The following CAMK1D variants were observed in gnomAD, a reference collection of about 807,000 sequenced individuals.
CAMK1D encodes the protein calcium/calmodulin dependent protein kinase ID.
CAMK1D carries 9 observed loss-of-function variants against 47.7 expected under a neutral mutation model. The ratio of observed to expected loss-of-function variants is 0.19; its 90% CI spans 0.11 to 0.33. The LOEUF (loss-of-function observed/expected upper bound fraction) is 0.33. Ranked by LOEUF, CAMK1D falls within the 10% of genes least tolerant of loss-of-function variation. CAMK1D has a pLI of 1.00. For missense variants in CAMK1D, 291 were observed against 488.7 expected (o/e 0.60, Z 3.81); for synonymous variants, 184 against 184.9 (o/e 0.99, Z 0.04).
intron 2 of CAMK1D, among the ~76,000 whole-genome samples, chr10:12,578,050 G>A (rs938391116): frequency 7.2e-5 from 11 of 152,178 alleles, no homozygotes; most frequent in African/African-American, 2.4e-4. Flanking sequence ...ACTCTGCACG[G>A]AAGGTATTGT....
intron 1 of CAMK1D, among the ~76,000 whole-genome samples, chr10:12,439,897 C>A (rs575492134): frequency 1.3e-5 from 2 of 152,130 alleles, no homozygotes; most frequent in African/African-American, 2.4e-5. Context: ...TCTTACATGG[C>A]GGCAGGCAAG....
intron 3 of CAMK1D, among the ~76,000 whole-genome samples, chr10:12,750,749 T>G (rs1285713175): frequency 6.6e-6 from 1 of 151,672 alleles, no homozygotes; most frequent in Non-Finnish European, 1.5e-5. Flanking sequence ...CAGCGGCCAG[T>G]CAGCTAAAGG....
intron 3 of CAMK1D, among the ~76,000 whole-genome samples, chr10:12,746,386 G>C (rs1032739633): frequency 1.4e-5 from 2 of 146,304 alleles, no homozygotes; most frequent in African/African-American, 5.2e-5. Context: ...AAAAGTTAGT[G>C]AATCTCAAAT....
Position 12,761,050 on chromosome 10 carries a change from T to C in CAMK1D, c.402T>C (p.Tyr134=). The C allele has an allele frequency of 6.2e-7, 1 of 1,614,122 alleles. No homozygotes were observed. The highest frequency in any genetic ancestry group is 8.5e-7 in the Non-Finnish European group (1 of 1,180,024). Residue 134 remains tyrosine, a synonymous_variant, in exon 4 of 11, where the codon TAT becomes TAC. Transcript: ENST00000619168. ...GCCAAGTCTTGGACGCCGTGTACTA[T>C]CTCCACAGAATGGGCATCGTCCACA... ...LIRQVLDAVY[Y]LHRMGIVHRD...
chr10:12,479,384 T>G (rs1377569848), intron 1 of CAMK1D, among the ~76,000 whole-genome samples: 1 of 151,988 alleles, frequency 6.6e-6, no homozygotes, highest in Non-Finnish European at 1.5e-5. Context: ...TTAGTAGAGA[T>G]GGGGTTTCAC....
chr10:12,705,020 C>T (rs1833676988), intron 3 of CAMK1D, among the ~76,000 whole-genome samples: 1 of 152,116 alleles, frequency 6.6e-6, no homozygotes, highest in Admixed American at 6.5e-5. Flanking sequence ...GATCAGGGAT[C>T]AGTTAAGTTA....
intron 4 of CAMK1D, among the ~76,000 whole-genome samples, chr10:12,765,312 A>T (rs2482054): frequency 3.3e-5 from 5 of 152,110 alleles, no homozygotes; most frequent in Non-Finnish European, 5.9e-5. Context: ...ATTCAAGACC[A>T]TTGCAATGCC....
chr10:12,748,269 G>A (rs896986123), intron 3 of CAMK1D, among the ~76,000 whole-genome samples: 1 of 152,142 alleles, frequency 6.6e-6, no homozygotes, highest in African/African-American at 2.4e-5. Context: ...TTTCTCAAGG[G>A]TCTCTTGTAA....
Position 12,551,552 on chromosome 10 carries a change from C to T in CAMK1D, c.93-1673C>T, listed in dbSNP as rs549884738. On this transcript the variant is annotated intron_variant, in intron 1 of 10. Coordinates refer to ENST00000619168, the MANE Select transcript of CAMK1D (RefSeq NM_153498.4). ...AGTGAATCACTTGAGGTCAGGACTT[C>T]GAGACCAGCCTGGGAAACATGGTGA... Among the ~76,000 whole-genome samples, 44 of 152,204 alleles carry T rather than the reference C, an allele frequency of 2.9e-4. 1 individual carries two copies. Among genetic ancestry groups the T allele is most frequent in the Admixed American group, 7.2e-4 (11 of 15,272 alleles).
chr10:12,399,066 G>T (rs1482294202), intron 1 of CAMK1D, among the ~76,000 whole-genome samples: 1 of 152,162 alleles, frequency 6.6e-6, no homozygotes, highest in Non-Finnish European at 1.5e-5. Context: ...CTCTTGAGTG[G>T]AAGGAGCATG....
At chr10:12,705,786 A>G (rs1833709134) in intron 3 of CAMK1D, among the ~76,000 whole-genome samples, 1 of 152,230 alleles carries the variant, frequency 6.6e-6, no homozygotes, top group South Asian at 2.1e-4. Flanking sequence ...GGTTCGTGCT[A>G]GTCTAAGAGG....
Position 12,523,421 on chromosome 10 carries a change from C to A in CAMK1D, c.93-29804C>A, listed in dbSNP as rs185987313. Among the ~76,000 whole-genome samples, 74 of 152,300 alleles carry A rather than the reference C, an allele frequency of 4.9e-4. 1 individual carries two copies. In the East Asian group the frequency reaches 0.012, roughly 24 times the overall value. On this transcript the variant is annotated intron_variant, in intron 1 of 10. Coordinates refer to ENST00000619168, the MANE Select transcript of CAMK1D (RefSeq NM_153498.4). ...CTGGGAGGTGGAGGTTGTAGCCAGC[C>A]GAGATCAGGCCACTGCACTCCAGCC...
chr10:12,626,125 CAT>C (rs1383362750), intron 2 of CAMK1D, among the ~76,000 whole-genome samples: 2 of 152,060 alleles, frequency 1.3e-5, no homozygotes, highest in Non-Finnish European at 2.9e-5. Flanking sequence ...TTTTTATACT[CAT>C]AATTCATATG....
chr10:12,620,047 A>G (rs1838942861), intron 2 of CAMK1D, among the ~76,000 whole-genome samples: 1 of 152,184 alleles, frequency 6.6e-6, no homozygotes, highest in Non-Finnish European at 1.5e-5. Flanking sequence ...ACTGAGAAGT[A>G]TTTCACAGTT....
intron 3 of CAMK1D, among the ~76,000 whole-genome samples, chr10:12,683,463 G>A (rs1165465520): frequency 5.3e-5 from 8 of 152,002 alleles, no homozygotes; most frequent in African/African-American, 1.9e-4. Flanking sequence ...TAGATATATG[G>A]TGCTAACTTC....
chr10:12,442,614 T>C (rs765695938), intron 1 of CAMK1D, among the ~76,000 whole-genome samples: 2 of 152,222 alleles, frequency 1.3e-5, no homozygotes, highest in Non-Finnish European at 2.9e-5. Flanking sequence ...AGTTTTTTTG[T>C]CACCCCAAAC....
chr10:12,651,089 T>C (rs190684770), intron 2 of CAMK1D, among the ~76,000 whole-genome samples: 27 of 152,268 alleles, frequency 1.8e-4, no homozygotes, highest in African/African-American at 6.5e-4. Flanking sequence ...TCCCACCTCC[T>C]CCTTCCTCCC....
At chr10:12,561,322 G>A (rs1012357791) in intron 2 of CAMK1D, among the ~76,000 whole-genome samples, 156 of 152,160 alleles carry the variant, frequency 1.0e-3, no homozygotes, top group African/African-American at 3.2e-3. Flanking sequence ...CTTTGGGCAC[G>A]TACATGTGAG....
intron 5 of CAMK1D, 50 bp downstream of exon 5, chr10:12,769,849 CAT>C (rs750455652): frequency 7.3e-5 from 117 of 1,602,872 alleles, no homozygotes; most frequent in East Asian, 4.7e-4. Flanking sequence ...GTGATGTCCT[CAT>C]GTGTGGTGTC....
Sources: gnomAD v4.1 joint callset for allele counts (sites outside exome capture counted in the v4.1 genomes callset) on GRCh38, gnomAD v4.1.1 for gene constraint, MANE v1.5 for transcripts, NCBI Gene and HGNC (gene_info 2026-07-23, HGNC 2026-07-21) for gene names.